Variants in FRY observed in about 807,000 individuals in gnomAD.
FRY encodes the protein protein furry homolog.
FRY carries 128 observed loss-of-function variants against 348.4 expected under a neutral mutation model. That is an observed-to-expected ratio of 0.37 (90% CI 0.32 to 0.43). FRY has a LOEUF of 0.43. Ranked by LOEUF, FRY falls within the 20% of genes least tolerant of loss-of-function variation. FRY has a pLI of 1.00. For missense variants in FRY, 2,736 were observed against 3,695.2 expected (o/e 0.74, Z 6.73); for synonymous variants, 1,370 against 1,374.7 (o/e 1.00, Z 0.08).
At chr13:32,213,220 T>G (rs886674449) in intron 35 of FRY, among the ~76,000 whole-genome samples, 1 of 152,194 alleles carries the variant, frequency 6.6e-6, no homozygotes, top group African/African-American at 2.4e-5. Flanking sequence ...AAGCCCACAG[T>G]GCTTCCTGAG....
At chr13:32,123,065 C>T (rs1018702181) in intron 4 of FRY, among the ~76,000 whole-genome samples, 8 of 152,148 alleles carry the variant, frequency 5.3e-5, no homozygotes, top group Admixed American at 3.3e-4. Context: ...GGAAACATAT[C>T]CCATGCTCAA....
At chr13:32,206,769 A>G (rs1376107522) in intron 31 of FRY, among the ~76,000 whole-genome samples, 4 of 152,190 alleles carry the variant, frequency 2.6e-5, no homozygotes, top group African/African-American at 9.7e-5. Flanking sequence ...TAAAAATAAC[A>G]CAGAAAAATT....
intron 1 of FRY, among the ~76,000 whole-genome samples, chr13:32,071,839 T>C (rs540627357): frequency 7.2e-5 from 11 of 152,284 alleles, no homozygotes; most frequent in South Asian, 2.1e-4. Flanking sequence ...AATAATATAT[T>C]ATACACTTAA....
chr13:32,284,475 A>T (rs1467566359), intron 58 of FRY, among the ~76,000 whole-genome samples: 1 of 152,232 alleles, frequency 6.6e-6, no homozygotes, highest in Non-Finnish European at 1.5e-5. Context: ...ATTCTTTCTC[A>T]TATTGGCTAA....
intron 24 of FRY, among the ~76,000 whole-genome samples, chr13:32,183,637 G>A (rs185302476): frequency 2.0e-3 from 302 of 152,218 alleles, no homozygotes; most frequent in African/African-American, 6.7e-3. Flanking sequence ...TTAGCTGGGC[G>A]TGGTGGCACG....
At chr13:32,200,279 T>G (rs1883934192) in intron 29 of FRY, among the ~76,000 whole-genome samples, 1 of 152,226 alleles carries the variant, frequency 6.6e-6, no homozygotes, top group African/African-American at 2.4e-5. Context: ...AAACAGAACT[T>G]CTTAGATAAT....
intron 11 of FRY, among the ~76,000 whole-genome samples, chr13:32,145,951 T>C (rs1880417210): frequency 6.6e-6 from 1 of 152,182 alleles, no homozygotes; most frequent in African/African-American, 2.4e-5. Flanking sequence ...CTGATCTCAT[T>C]GGCTGCCTGT....
At position 32,296,668 on chromosome 13, in the gene FRY, A is replaced by G. The variant is rs2072068206; in HGVS notation, c.*1208A>G. ...TGACCATGGACTTTATTTCTGGTTA[A>G]TGAAAATGTTTGTCCTGGGCACACA... is the stretch of plus-strand genomic sequence containing the variant. On this transcript the variant is annotated 3_prime_UTR_variant, in exon 61 of 61. Transcript: ENST00000542859. 1 of 152,428 alleles carries G rather than the reference A, an allele frequency of 6.6e-6. No homozygotes were observed. Among genetic ancestry groups the G allele is most frequent in the South Asian group, 2.1e-4 (1 of 4,826 alleles). 9.4% of individuals were successfully genotyped at this position (152,428 alleles called of 1,614,324 possible). A position where few individuals can be genotyped will look rare whatever the true frequency, so the allele number is the denominator to read the frequency against.
chr13:32,125,815 A>G (rs1488021990), intron 7 of FRY, among the ~76,000 whole-genome samples: 1 of 152,180 alleles, frequency 6.6e-6, no homozygotes, highest in Non-Finnish European at 1.5e-5. Flanking sequence ...CATCCTGACT[A>G]TATTTTTTTT....
chr13:32,098,225 AT>A (rs1274173067), intron 2 of FRY, among the ~76,000 whole-genome samples: 1 of 152,058 alleles, frequency 6.6e-6, no homozygotes, highest in African/African-American at 2.4e-5. Flanking sequence ...GTAAACAAAC[AT>A]TTTCTGTTCA....
At position 32,219,539 on chromosome 13, in the gene FRY, A is replaced by G. The variant is rs192957055; in HGVS notation, c.4765+708A>G. On this transcript the variant is annotated intron_variant, in intron 36 of 60. Coordinates refer to ENST00000542859, the MANE Select transcript of FRY (RefSeq NM_023037.3). ...TTTGGGAGGCCGAGGCGGGTGGATC[A>G]CGAGGTCAGGAGATTGAGACCATCC... 9.7e-3 allele frequency among the ~76,000 whole-genome samples: 1,467 copies of G among 150,546 alleles called. 53 individuals carry two copies. In the East Asian group the frequency reaches 0.15, roughly 15 times the overall value.
At chr13:32,062,722 CA>C (rs1438998560) in intron 1 of FRY, among the ~76,000 whole-genome samples, 1 of 152,006 alleles carries the variant, frequency 6.6e-6, no homozygotes, top group Non-Finnish European at 1.5e-5. Flanking sequence ...CAAACACCAG[CA>C]AGACTGAAAA....
At chr13:32,204,952 C>T (rs940703825) in intron 31 of FRY, among the ~76,000 whole-genome samples, 3 of 152,128 alleles carry the variant, frequency 2.0e-5, no homozygotes, top group African/African-American at 7.2e-5. Flanking sequence ...GCCTGTATCC[C>T]AGCACCCTGG....
In FRY at chr13:32,210,902, A is replaced by G. The variant is rs767702168; in HGVS notation, c.4459A>G (p.Thr1487Ala). Residue 1487 changes from threonine (T) to alanine (A), a missense_variant, in exon 34 of 61, where the codon ACC (threonine) becomes GCC (alanine). Around this residue, in one of 9 missense-constraint regions of FRY, gnomAD observed 794 missense variants for 977.0 expected, o/e 0.81. Transcript: ENST00000542859. ...KVAIYLCRNN[T>A]IQTMEELLFE... Reference sequence around the variant, plus strand: ...GGCAATATACTTGTGCCGTAACAACACCATTCAAACCATGGAAGAGCTTCT... The same window carrying G: ...GGCAATATACTTGTGCCGTAACAACGCCATTCAAACCATGGAAGAGCTTCT... 6.2e-7 allele frequency: 1 copy of G among 1,613,942 alleles called. No homozygotes were observed. The highest frequency in any genetic ancestry group is 1.1e-5 in the South Asian group (1 of 91,078).
chr13:32,231,518 C>T (rs1314212903), intron 41 of FRY, among the ~76,000 whole-genome samples: 2 of 152,148 alleles, frequency 1.3e-5, no homozygotes, highest in African/African-American at 4.8e-5. Context: ...ATAATTTTCC[C>T]AACATACTTG....
intron 40 of FRY, 92 bp from the exon 41 acceptor site, chr13:32,231,087 T>C: frequency 9.2e-7 from 1 of 1,087,948 alleles, no homozygotes; most frequent in Non-Finnish European, 1.3e-6. Context: ...AAAATTTAAA[T>C]ATGTTATATG....
At chr13:32,177,281 A>G (rs1882420653) in intron 20 of FRY, among the ~76,000 whole-genome samples, 2 of 152,164 alleles carry the variant, frequency 1.3e-5, no homozygotes, top group Admixed American at 1.3e-4. Context: ...GCTTGCTATC[A>G]TAGGGCAAGA....
intron 55 of FRY, among the ~76,000 whole-genome samples, chr13:32,269,925 C>T (rs888163297): frequency 6.6e-6 from 1 of 152,156 alleles, no homozygotes; most frequent in African/African-American, 2.4e-5. Context: ...TGGAGTCTTA[C>T]TTGTAGTGCT....
At chr13:32,251,597 G>A (rs138018515) in intron 49 of FRY, among the ~76,000 whole-genome samples, 27 of 148,164 alleles carry the variant, frequency 1.8e-4, no homozygotes, top group Admixed American at 1.2e-3. Context: ...ATTTTACATT[G>A]TCTAATAGTT....
Sources: allele counts gnomAD v4.1 joint callset (sites outside exome capture counted in the v4.1 genomes callset), GRCh38; gene constraint gnomAD v4.1.1; regional missense constraint gnomAD v4.1.1; transcripts MANE v1.5; gene names NCBI Gene and HGNC (gene_info 2026-07-23, HGNC 2026-07-21).